Variants in KSR2 observed in about 807,000 individuals in gnomAD.
KSR2 encodes the protein kinase suppressor of ras 2.
A neutral mutation model predicts 107.8 loss-of-function variants in KSR2; 25 were observed. The observed-to-expected ratio is 0.23, with a 90% CI of 0.17 to 0.32. KSR2 has a LOEUF of 0.32. Among genes scored for constraint, KSR2 ranks in the 10% least tolerant of loss-of-function variants. KSR2 has a pLI of 1.00. For synonymous variants in KSR2, 480 were observed against 507.0 expected (o/e 0.95, Z 0.71); for missense variants, 887 against 1,268.9 (o/e 0.70, Z 4.57).
At chr12:117,845,678 C>CTT (rs201734318) in intron 3 of KSR2, among the ~76,000 whole-genome samples, 63 of 149,934 alleles carry the variant, frequency 4.2e-4, no homozygotes, top group African/African-American at 1.5e-3. Flanking sequence ...GACTCTTTTT[C>CTT]TTTCTTTTTT....
chr12:117,499,285 C>A (rs955600044), intron 14 of KSR2, among the ~76,000 whole-genome samples: 2 of 152,218 alleles, frequency 1.3e-5, no homozygotes, highest in Non-Finnish European at 2.9e-5. Context: ...ACGGTGTTAG[C>A]AGAGCTATCT....
intron 1 of KSR2, among the ~76,000 whole-genome samples, chr12:117,963,561 C>A (rs1344244389): frequency 6.6e-6 from 1 of 152,096 alleles, no homozygotes; most frequent in Middle Eastern, 3.2e-3. Flanking sequence ...CATGATCGTG[C>A]CACTGCACTC....
intron 5 of KSR2, among the ~76,000 whole-genome samples, chr12:117,590,129 T>C (rs1352672635): frequency 1.3e-5 from 2 of 152,220 alleles, no homozygotes; most frequent in Non-Finnish European, 2.9e-5. Flanking sequence ...GACAAAACAA[T>C]GGGCAATGGC....
intron 14 of KSR2, among the ~76,000 whole-genome samples, chr12:117,511,956 C>G (rs966817839): frequency 6.6e-6 from 1 of 152,168 alleles, no homozygotes; most frequent in Non-Finnish European, 1.5e-5. Flanking sequence ...CCAGTTCTGT[C>G]CTTGATCCCT....
At chr12:117,904,876 T>A (rs1894791990) in intron 1 of KSR2, among the ~76,000 whole-genome samples, 1 of 152,186 alleles carries the variant, frequency 6.6e-6, no homozygotes, top group Admixed American at 6.5e-5. Flanking sequence ...TCAGCAATTG[T>A]TACTTATTTA....
At chr12:117,616,205 C>T (rs886204697) in intron 5 of KSR2, among the ~76,000 whole-genome samples, 17 of 149,768 alleles carry the variant, frequency 1.1e-4, no homozygotes, top group Non-Finnish European at 3.0e-5. Context: ...ACTTTTAGTG[C>T]CTAGTAAATT....
rs144694214 is a variant in KSR2 at position 117,755,517 on chromosome 12, T to C, written c.986+5494A>G. Among the ~76,000 whole-genome samples, 932 of 152,298 alleles carry C rather than the reference T, an allele frequency of 6.1e-3. 14 individuals carry two copies. The highest frequency in any genetic ancestry group is 0.021 in the African/African-American group (868 of 41,558). On this transcript the variant is annotated intron_variant, in intron 4 of 19. Transcript: ENST00000339824. ...GCCACAAACCGTGCCCATATGACAGTGAAATAAATCGATCAATGTTGTATG... is the reference window on the plus strand; with the variant it reads ...GCCACAAACCGTGCCCATATGACAGCGAAATAAATCGATCAATGTTGTATG...
intron 5 of KSR2, among the ~76,000 whole-genome samples, chr12:117,640,306 A>G (rs1259205300): frequency 6.6e-6 from 1 of 151,848 alleles, no homozygotes; most frequent in Non-Finnish European, 1.5e-5. Flanking sequence ...GCTGGAGTGC[A>G]GTGGCGCGAT....
intron 3 of KSR2, among the ~76,000 whole-genome samples, chr12:117,833,863 C>T (rs535060574): frequency 7.0e-4 from 106 of 151,972 alleles, no homozygotes; most frequent in African/African-American, 2.5e-3. Context: ...GTCTTAGAAC[C>T]GGCAACACCT....
chr12:117,515,242 G>T (rs1202471283), intron 14 of KSR2, among the ~76,000 whole-genome samples: 2 of 152,030 alleles, frequency 1.3e-5, no homozygotes, highest in Admixed American at 1.3e-4. Context: ...CACATACTTG[G>T]CATCTCTTTT....
intron 14 of KSR2, among the ~76,000 whole-genome samples, chr12:117,506,276 G>A (rs949702820): frequency 6.6e-6 from 1 of 152,136 alleles, no homozygotes; most frequent in African/African-American, 2.4e-5. Flanking sequence ...ATGCAATTTC[G>A]TGAATTATTT....
chr12:117,750,646 G>T (rs1888580254), intron 4 of KSR2, among the ~76,000 whole-genome samples: 1 of 152,038 alleles, frequency 6.6e-6, no homozygotes, highest in South Asian at 2.1e-4. Context: ...TTCAGCCTTT[G>T]TCCCTCTCCC....
intron 5 of KSR2, among the ~76,000 whole-genome samples, chr12:117,603,942 A>G (rs1210412934): frequency 6.6e-6 from 1 of 152,166 alleles, no homozygotes; most frequent in African/African-American, 2.4e-5. Context: ...AATTTCAACA[A>G]AGCAACCAAC....
Position 117,591,273 on chromosome 12 carries a change from G to GTCTCACTGCT in KSR2, c.1172-8915_1172-8914insAGCAGTGAGA, listed in dbSNP as rs544501868. ...TTAACTCTTTCCTCTCACTGCTTCT[G>GTCTCACTGCT]TCTGGATTAAAGAATTTGATTTTCT... is the stretch of plus-strand genomic sequence containing the variant. On this transcript the variant is annotated intron_variant, in intron 5 of 19. Transcript: ENST00000339824. Among the ~76,000 whole-genome samples the GTCTCACTGCT allele has an allele frequency of 4.8e-4, 73 of 152,296 alleles. 2 individuals carry two copies. In the South Asian group the frequency reaches 0.015, roughly 31 times the overall value.
At chr12:117,887,272 C>T (rs1299911208) in intron 1 of KSR2, among the ~76,000 whole-genome samples, 1 of 150,972 alleles carries the variant, frequency 6.6e-6, no homozygotes, top group Admixed American at 6.6e-5. Flanking sequence ...TGTTTTGTTT[C>T]ATTTTGTTTT....
chr12:117,573,069 G>C (rs1417883093), intron 7 of KSR2, among the ~76,000 whole-genome samples: 1 of 152,190 alleles, frequency 6.6e-6, no homozygotes, highest in African/African-American at 2.4e-5. Context: ...CCTCAATTTA[G>C]ATAACTGCAA....
chr12:117,648,202 T>G (rs985197277), intron 5 of KSR2, among the ~76,000 whole-genome samples: 1 of 152,246 alleles, frequency 6.6e-6, no homozygotes, highest in African/African-American at 2.4e-5. Flanking sequence ...AAAATCTAGA[T>G]GTCTGGCTTC....
intron 4 of KSR2, chr12:117,674,169 A>G (rs1369560488): frequency 2.4e-6 from 1 of 422,780 alleles, no homozygotes; most frequent in African/African-American, 2.1e-5. Context: ...CCCAATTTAC[A>G]TACAGTATCA....
rs192428709 is a variant in KSR2, at chr12:117,892,255, G to C, written c.181-31824C>G. Among the ~76,000 whole-genome samples, 85 of 152,256 alleles carry C rather than the reference G, an allele frequency of 5.6e-4. 1 individual carries two copies. The highest frequency in any genetic ancestry group is 3.9e-3 in the Admixed American group (59 of 15,306). On this transcript the variant is annotated intron_variant, in intron 1 of 19. Coordinates refer to ENST00000339824, the MANE Select transcript of KSR2 (RefSeq NM_173598.6). The stretch of plus-strand genomic sequence containing the variant: ...GGAGGCAGAGGTTGCAGTGAGCTGA[G>C]ATCGCGCCACTGCACTCCAGTCTGG...
Sources: gnomAD v4.1 joint callset for allele counts (sites outside exome capture counted in the v4.1 genomes callset) on GRCh38, gnomAD v4.1.1 for gene constraint, MANE v1.5 for transcripts, NCBI Gene and HGNC (gene_info 2026-07-23, HGNC 2026-07-21) for gene names.